HM13: variants seen among roughly 807,000 people sequenced by gnomAD.
The protein encoded by HM13 is signal peptide peptidase.
Under a neutral mutation model 50.0 loss-of-function variants are expected in HM13, and 18 were observed. The observed-to-expected ratio is 0.36, with a 90% CI of 0.25 to 0.53. The LOEUF (loss-of-function observed/expected upper bound fraction) is 0.53. Among genes scored for constraint, HM13 ranks in the 20% least tolerant of loss-of-function variants. HM13 has a pLI of 0.90. For missense variants in HM13, 393 were observed against 552.4 expected (o/e 0.71, Z 2.89); for synonymous variants, 197 against 232.6 (o/e 0.85, Z 1.39).
chr20:31,561,766 A>T, intron 10 of HM13, 30 bp downstream of exon 10: 1 of 1,434,792 alleles, frequency 7.0e-7, no homozygotes, highest in Non-Finnish European at 9.8e-7. Context: ...AGTGTCAGGA[A>T]TGCCTCACTG....
At chr20:31,558,148 G>A (rs1984417842) in intron 8 of HM13, among the ~76,000 whole-genome samples, 1 of 152,224 alleles carries the variant, frequency 6.6e-6, no homozygotes, top group African/African-American at 2.4e-5. Context: ...AGGCTTCCGG[G>A]ATGTCTCTTT....
intron 2 of HM13, among the ~76,000 whole-genome samples, chr20:31,532,222 C>G (rs146367463): frequency 0.011 from 1,705 of 151,852 alleles, 29 homozygotes; most frequent in African/African-American, 0.04. Flanking sequence ...GTCAGGAGAT[C>G]GAGACCATCC....
chr20:31,522,084 A>G (rs1256288527), intron 1 of HM13, among the ~76,000 whole-genome samples: 1 of 152,052 alleles, frequency 6.6e-6, no homozygotes, highest in African/African-American at 2.4e-5. Context: ...TTGGTTTGTC[A>G]CTGAATAAGA....
chr20:31,529,545 CCTTTTTGTTCTTTT>C (rs1982688908), intron 2 of HM13, among the ~76,000 whole-genome samples: 1 of 151,994 alleles, frequency 6.6e-6, no homozygotes, highest in African/African-American at 2.4e-5. Flanking sequence ...ACACCTGGCC[CCTTTTTGTTCTTTT>C]TAATAGTACG....
chr20:31,545,288 G>A (rs571269073), intron 4 of HM13, among the ~76,000 whole-genome samples: 43 of 152,210 alleles, frequency 2.8e-4, no homozygotes, highest in Middle Eastern at 3.4e-3. Flanking sequence ...TGTTAATCTA[G>A]TACCTCCTTC....
Position 31,514,628 on chromosome 20 carries a change from C to G in HM13, c.77C>G (p.Pro26Arg), listed in dbSNP as rs1262167289. ...GGPTNSTTRP[P>R]STPEGIALAY... Reference sequence around the variant, plus strand: ...CCCACCAACAGCACTACGCGGCCGCCTTCCACGCCCGAGGGCATCGCGCTG... The same window carrying G: ...CCCACCAACAGCACTACGCGGCCGCGTTCCACGCCCGAGGGCATCGCGCTG... The change falls in exon 1 of 13, where the codon CCT (proline) becomes CGT (arginine). Residue 26 changes from proline to arginine, a missense_variant. Pro to Arg is a moderately radical substitution (Grantham distance 103, BLOSUM62 -2). Coordinates refer to ENST00000398174, the MANE Select transcript of HM13 (RefSeq NM_178581.3). This position sits in a 1 kb window ranked among gnomAD's most constrained non-coding sequence, Gnocchi z 4.3. 2.5e-6 allele frequency: 4 copies of G among 1,585,712 alleles called. No individual in the cohort carries two copies. The Admixed American group carries it at 5.4e-5, about 22-fold the overall frequency.
chr20:31,515,895 A>G (rs1981745881), intron 1 of HM13, among the ~76,000 whole-genome samples: 1 of 152,134 alleles, frequency 6.6e-6, no homozygotes, highest in African/African-American at 2.4e-5. Context: ...GTCTTGCCCA[A>G]AGAGGGCAGG....
At chr20:31,527,269 C>T (rs111771804) in intron 1 of HM13, among the ~76,000 whole-genome samples, 1 of 151,916 alleles carries the variant, frequency 6.6e-6, no homozygotes, top group African/African-American at 2.4e-5. Context: ...ACCCAGGAAG[C>T]GGAGGCTGTA....
intron 7 of HM13, among the ~76,000 whole-genome samples, chr20:31,554,293 C>T (rs1286356795): frequency 2.0e-5 from 3 of 151,450 alleles, no homozygotes. Flanking sequence ...GCCTAGGAGA[C>T]AGAGGTTGCA....
At chr20:31,559,427 CCT>C (rs1984490586) in intron 8 of HM13, among the ~76,000 whole-genome samples, 182 bp from the exon 9 acceptor site, 1 of 152,156 alleles carries the variant, frequency 6.6e-6, no homozygotes, top group African/African-American at 2.4e-5. Flanking sequence ...ATCCTGGGCC[CCT>C]CTCATTGTTC....
rs1053860524 is a variant in HM13, at chr20:31,548,297, G to A, written c.455-732G>A. ...GGAGTGTCTGGACTCTGTGACTCCC[G>A]GCAAACTCCACAGCCTCTAGTTGTC... On this transcript the variant is annotated intron_variant, in intron 4 of 12. Coordinates refer to ENST00000398174, the MANE Select transcript of HM13 (RefSeq NM_178581.3). 3.9e-5 allele frequency: 16 copies of A among 407,244 alleles called. No individual in the cohort carries two copies. The Admixed American group carries it at 4.3e-4, about 11-fold the overall frequency. The allele number at this position is 407,244 out of a possible 1,614,324, so 25.2% of individuals were successfully genotyped here.
rs1180267680 is a variant in HM13, at chr20:31,557,703, C to CTTTTTTTTT, written c.809-1892_809-1884dup. Among the ~76,000 whole-genome samples, 129 of 80,872 alleles carry CTTTTTTTTT rather than the reference C, an allele frequency of 1.6e-3. 1 individual carries two copies. Among genetic ancestry groups the CTTTTTTTTT allele is most frequent in the African/African-American group, 4.0e-3 (70 of 17,644 alleles). 53.1% of individuals were successfully genotyped at this position (80,872 alleles called of 152,430 possible). A position where few individuals can be genotyped will look rare whatever the true frequency, so the allele number is the denominator to read the frequency against. On this transcript the variant is annotated intron_variant, in intron 8 of 12. Coordinates refer to ENST00000398174, the MANE Select transcript of HM13 (RefSeq NM_178581.3). ...TGTTGACAGTTGACAGGCAGTGCTT[C>CTTTTTTTTT]TTTTTTTTTTTTTTTTTTTTTTTTG...
intron 7 of HM13, among the ~76,000 whole-genome samples, chr20:31,552,544 G>A (rs1450093179): frequency 6.6e-6 from 1 of 152,178 alleles, no homozygotes; most frequent in African/African-American, 2.4e-5. Context: ...AAGACCCACT[G>A]CCTTCTACTG....
chr20:31,542,361 C>T (rs901314817), intron 3 of HM13, among the ~76,000 whole-genome samples: 1 of 152,184 alleles, frequency 6.6e-6, no homozygotes, highest in Non-Finnish European at 1.5e-5. Flanking sequence ...CCCAGAAGGA[C>T]CAGATCTGCC....
chr20:31,535,258 T>C (rs1865049816), intron 2 of HM13: 1 of 152,264 alleles, frequency 6.6e-6, no homozygotes, highest in South Asian at 2.1e-4. Context: ...TCCCACCTTA[T>C]TTAAAATTGA....
intron 12 of HM13, 118 bp from the exon 13 acceptor site, chr20:31,569,002 C>T (rs1985101912): frequency 5.9e-6 from 4 of 675,904 alleles, no homozygotes; most frequent in East Asian, 2.7e-5. Flanking sequence ...ACAGGGCTGA[C>T]GCTCTGCATG....
At position 31,514,582 on chromosome 20, in the gene HM13, G is replaced by A; in HGVS notation, c.31G>A (p.Gly11Ser). The stretch of plus-strand genomic sequence containing the variant: ...CTCGGCCCTCAGCGATCCGCATAAC[G>A]GCAGTGCCGAGGCAGGCGGCCCCAC... MDSALSDPHN[G>S]SAEAGGPTNS... Residue 11 changes from glycine (G) to serine (S), a missense_variant, in exon 1 of 13, where the codon GGC becomes AGC. This residue lies in a region of HM13 where 214 missense variants were observed against 276.1 expected (regional missense o/e 0.77). Coordinates refer to ENST00000398174, the MANE Select transcript of HM13 (RefSeq NM_178581.3). The surrounding 1 kb of genome is among the most constrained non-coding windows in gnomAD (Gnocchi z 4.3). 2 of 1,605,984 alleles carry A rather than the reference G, an allele frequency of 1.2e-6. No individual in the cohort carries two copies. Among genetic ancestry groups the A allele is most frequent in the African/African-American group, 1.3e-5 (1 of 74,960 alleles).
chr20:31,532,194 A>C (rs1000010034), intron 2 of HM13, among the ~76,000 whole-genome samples: 1 of 152,062 alleles, frequency 6.6e-6, no homozygotes, highest in South Asian at 2.1e-4. Context: ...TGGGAGGCCA[A>C]GGAGGGTGTA....
chr20:31,538,076 C>G (rs1983216962), intron 2 of HM13, 103 bp from the exon 3 acceptor site: 5 of 1,368,586 alleles, frequency 3.7e-6, no homozygotes, highest in Admixed American at 2.1e-5. Flanking sequence ...TCCCCCGACT[C>G]AAGAAGGGTG....
Sources: gnomAD v4.1 joint callset for allele counts (sites outside exome capture counted in the v4.1 genomes callset) on GRCh38, gnomAD v4.1.1 for gene constraint, gnomAD v4.1.1 regional missense constraint, Gnocchi (gnomAD v3.1) non-coding constraint, MANE v1.5 for transcripts, NCBI Gene and HGNC (gene_info 2026-07-23, HGNC 2026-07-21) for gene names.